Variants in FAM163A observed in about 807,000 individuals in gnomAD.
FAM163A encodes family with sequence similarity 163 member A.
In FAM163A, 7 loss-of-function variants were observed where a neutral mutation model predicts 12.0. That is an observed-to-expected ratio of 0.58 (90% CI 0.33 to 1.10). The LOEUF is 1.10. FAM163A is among the 50% of genes least tolerant of loss of function. FAM163A has a pLI of 0.03. For missense variants in FAM163A, 202 were observed against 218.6 expected (o/e 0.92, Z 0.48); for synonymous variants, 101 against 91.0 (o/e 1.11, Z -0.62).
intron 1 of FAM163A, among the ~76,000 whole-genome samples, chr1:179,771,193 A>G (rs1688230727): frequency 6.6e-6 from 1 of 152,116 alleles, no homozygotes; most frequent in Non-Finnish European, 1.5e-5. Flanking sequence ...GGAGCTGCCC[A>G]GCCGTCCACA....
chr1:179,803,962 C>A (rs946413976), intron 1 of FAM163A: 2 of 147,022 alleles, frequency 1.4e-5, no homozygotes, highest in African/African-American at 4.9e-5. Flanking sequence ...CCTCCTGCCC[C>A]CTGGCCTGCT....
At chr1:179,730,049 A>G in the FAM163A span, among the ~76,000 whole-genome samples, 1 of 152,164 alleles carries the variant, frequency 6.6e-6, no homozygotes, top group African/African-American at 2.4e-5. Flanking sequence ...CAAAATGAGG[A>G]CAGCGTTTGA....
At chr1:179,800,992 C>T (rs1472886498) in intron 1 of FAM163A, among the ~76,000 whole-genome samples, 1 of 152,156 alleles carries the variant, frequency 6.6e-6, no homozygotes, top group Non-Finnish European at 1.5e-5. Context: ...TAGGGCTCAG[C>T]GGAAACCCAA....
intron 1 of FAM163A, among the ~76,000 whole-genome samples, chr1:179,764,970 A>G (rs1687289247): frequency 6.6e-6 from 1 of 152,208 alleles, no homozygotes; most frequent in South Asian, 2.1e-4. Context: ...AGCCATGATT[A>G]CTTTGTCAGC....
chr1:179,741,697 A>C (rs1245324148), upstream of FAM163A, among the ~76,000 whole-genome samples: 2 of 152,270 alleles, frequency 1.3e-5, no homozygotes, highest in Non-Finnish European at 2.9e-5. Context: ...ATGCAATATT[A>C]TTCAATTTAT....
At chr1:179,740,476 T>C (rs1194294843), upstream of FAM163A, among the ~76,000 whole-genome samples, 1 of 152,148 alleles carries the variant, frequency 6.6e-6, no homozygotes, top group Non-Finnish European at 1.5e-5. Flanking sequence ...GAAAAAACCC[T>C]AAATGTCCTT....
chr1:179,793,886 G>T (rs1474399204), intron 1 of FAM163A, among the ~76,000 whole-genome samples: 1 of 152,152 alleles, frequency 6.6e-6, no homozygotes, highest in Admixed American at 6.5e-5. Flanking sequence ...CTGACTTACA[G>T]GTATTCTCCC....
chr1:179,796,315 T>C lies in FAM163A; in HGVS notation c.-135-11483T>C, dbSNP rs146366355. Among the ~76,000 whole-genome samples the C allele has an allele frequency of 9.8e-3, 1,494 of 151,948 alleles. 24 individuals are homozygous for C. The highest frequency in any genetic ancestry group is 0.034 in the African/African-American group (1,413 of 41,412). On this transcript the variant is annotated intron_variant, in intron 1 of 4. Coordinates refer to ENST00000341785, the MANE Select transcript of FAM163A (RefSeq NM_173509.3). ...AGTCATTCTCATTTATAATTACAACTCACAAAAGAAAAAAAAAGTTACCCT... is the reference window on the plus strand; with the variant it reads ...AGTCATTCTCATTTATAATTACAACCCACAAAAGAAAAAAAAAGTTACCCT...
Position 179,744,268 on chromosome 1 carries a change from G to A in FAM163A, c.-136+845G>A, listed in dbSNP as rs563991131. Among the ~76,000 whole-genome samples, 7 of 152,192 alleles carry A rather than the reference G, an allele frequency of 4.6e-5. No individual in the cohort carries two copies. The South Asian group carries it at 1.5e-3, about 32-fold the overall frequency. The stretch of plus-strand genomic sequence containing the variant: ...GGGCGACCGCACTCCGATTCCAGAG[G>A]GCCCTGCGCGCTCAAGGCGCCGGCC... On this transcript the variant is annotated intron_variant, in intron 1 of 4. Transcript: ENST00000341785.
At chr1:179,802,044 C>G (rs769090927) in intron 1 of FAM163A, among the ~76,000 whole-genome samples, 37 of 152,162 alleles carry the variant, frequency 2.4e-4, no homozygotes, top group Non-Finnish European at 4.0e-4. Flanking sequence ...TGAAAGCCTC[C>G]TTTCTTTTCT....
Position 179,805,197 on chromosome 1 carries a change from T to C in FAM163A, c.-135-2601T>C, listed in dbSNP as rs539666000. 2.6e-5 allele frequency among the ~76,000 whole-genome samples: 4 copies of C among 152,278 alleles called. No homozygotes were observed. The South Asian group carries it at 6.2e-4, about 24-fold the overall frequency. ...GTGATAGCCTTATAGTTACTGTAAG[T>C]TATAGATACAGTCCACTCAGACATT... On this transcript the variant is annotated intron_variant, in intron 1 of 4. Transcript: ENST00000341785.
intron 1 of FAM163A, among the ~76,000 whole-genome samples, chr1:179,774,547 T>C (rs977952970): frequency 1.3e-5 from 2 of 152,190 alleles, no homozygotes; most frequent in Non-Finnish European, 2.9e-5. Context: ...TCCCCAGTGA[T>C]ACAGAGAGTG....
At chr1:179,738,738 T>C (rs1378631474), upstream of FAM163A, among the ~76,000 whole-genome samples, 1 of 152,216 alleles carries the variant, frequency 6.6e-6, no homozygotes, top group South Asian at 2.1e-4. Flanking sequence ...TAATTAATCA[T>C]GAAAGACTGA....
rs1192497511 is a variant in FAM163A, at chr1:179,791,098, G to A, written c.-135-16700G>A. Among the ~76,000 whole-genome samples the A allele has an allele frequency of 4.6e-5, 7 of 152,118 alleles. No homozygotes were observed. The East Asian group carries it at 1.2e-3, about 25-fold the overall frequency. On this transcript the variant is annotated intron_variant, in intron 1 of 4. Transcript: ENST00000341785. ...TCAATCATCCAGCCTAGGTGTCTTTGTCCCAGACAGAGGCTGTTAGTCTTA... is the reference window on the plus strand; with the variant it reads ...TCAATCATCCAGCCTAGGTGTCTTTATCCCAGACAGAGGCTGTTAGTCTTA...
In FAM163A at chr1:179,803,637, C is replaced by T. The variant is rs1287364679; in HGVS notation, c.-135-4161C>T. On this transcript the variant is annotated intron_variant, in intron 1 of 4. Coordinates refer to ENST00000341785, the MANE Select transcript of FAM163A (RefSeq NM_173509.3). Reference sequence around the variant, plus strand: ...AGGCTGGAGTGCAATGGCGCCATCTCAGCTCACTGCAACCTCCACCTCCCG... The same window carrying T: ...AGGCTGGAGTGCAATGGCGCCATCTTAGCTCACTGCAACCTCCACCTCCCG... Among the ~76,000 whole-genome samples, 3 of 152,012 alleles carry T rather than the reference C, an allele frequency of 2.0e-5. No homozygotes were observed. The East Asian group carries it at 5.8e-4, about 29-fold the overall frequency.
chr1:179,809,906 T>C (rs77548284), intron 2 of FAM163A, among the ~76,000 whole-genome samples: 14,617 of 152,160 alleles, frequency 0.096, 816 homozygotes, highest in East Asian at 0.15. Context: ...AAGAAACCCC[T>C]GAAGCATGGC....
At chr1:179,745,570 T>C (rs1294721434) in intron 1 of FAM163A, among the ~76,000 whole-genome samples, 1 of 152,238 alleles carries the variant, frequency 6.6e-6, no homozygotes, top group Admixed American at 6.5e-5. Context: ...AAAAGTCATT[T>C]GACTCTGGTA....
chr1:179,777,207 T>C (rs1689103070), intron 1 of FAM163A, among the ~76,000 whole-genome samples: 2 of 152,210 alleles, frequency 1.3e-5, no homozygotes, highest in Non-Finnish European at 2.9e-5. Context: ...GTACCTATCT[T>C]CTGGGTATAC....
At chr1:179,746,909 T>C (rs920531854) in intron 1 of FAM163A, among the ~76,000 whole-genome samples, 10 of 152,152 alleles carry the variant, frequency 6.6e-5, no homozygotes, top group African/African-American at 2.2e-4. Flanking sequence ...GAGGTGTCTT[T>C]GGACAGCAGG....
Sources: allele counts gnomAD v4.1 joint callset (sites outside exome capture counted in the v4.1 genomes callset), GRCh38; gene constraint gnomAD v4.1.1; transcripts MANE v1.5; gene names NCBI Gene and HGNC (gene_info 2026-07-23, HGNC 2026-07-21).